DNAH11: variants seen among roughly 807,000 people sequenced by gnomAD.
The protein encoded by DNAH11 is dynein axonemal heavy chain 11, also known as axonemal beta dynein heavy chain 11.
Under a neutral mutation model 526.0 loss-of-function variants are expected in DNAH11, and 442 were observed. The observed-to-expected ratio is 0.84, with a 90% CI of 0.78 to 0.91. The LOEUF (loss-of-function observed/expected upper bound fraction) is 0.91. DNAH11 is among the 40% of genes least tolerant of loss of function. The probability of loss-of-function intolerance (pLI) is 0.00; values close to 1 mark genes in which losing one functional copy is unlikely to be tolerated. For missense variants in DNAH11, 6,989 were observed against 5,448.7 expected, an observed-to-expected ratio of 1.28 and a Z score of -8.90; for synonymous variants, 2,461 against 1,935.9, an observed-to-expected ratio of 1.27 and a Z score of -7.12.
intron 35 of DNAH11, among the ~76,000 whole-genome samples, chr7:21,691,192 A>G (rs1198475766): frequency 2.8e-5 from 4 of 144,262 alleles, no homozygotes; most frequent in Non-Finnish European, 6.1e-5. Context: ...TTTTTTTTTT[A>G]ACAGTCAAAG....
chr7:21,884,828 C>T (rs963692254), intron 76 of DNAH11, among the ~76,000 whole-genome samples: 15 of 152,142 alleles, frequency 9.9e-5, no homozygotes, highest in African/African-American at 3.6e-4. Flanking sequence ...CTTTTGATTT[C>T]TATTCCAGAG....
intron 57 of DNAH11, among the ~76,000 whole-genome samples, chr7:21,783,785 G>A (rs1300876145): frequency 1.3e-5 from 2 of 152,148 alleles, no homozygotes; most frequent in East Asian, 3.8e-4. Context: ...AGAGGAGAGT[G>A]GGTATCAGTG....
At chr7:21,889,329 C>G (rs909394724) in intron 76 of DNAH11, among the ~76,000 whole-genome samples, 14 of 152,166 alleles carry the variant, frequency 9.2e-5, no homozygotes, top group Non-Finnish European at 2.9e-5. Flanking sequence ...TCCTTCTTGG[C>G]TATTATGAAT....
At chr7:21,619,675 C>A (rs1363246776) in intron 24 of DNAH11, among the ~76,000 whole-genome samples, 1 of 152,158 alleles carries the variant, frequency 6.6e-6, no homozygotes, top group Admixed American at 6.5e-5. Flanking sequence ...ATCTACCAAA[C>A]ATTTAAGTCC....
intron 43 of DNAH11, 114 bp from the exon 44 acceptor site, chr7:21,720,611 C>T (rs1583625997): frequency 7.5e-6 from 9 of 1,207,968 alleles, no homozygotes; most frequent in Non-Finnish European, 8.9e-6. Context: ...TAGCAAATCA[C>T]AGCTGGGAAA....
intron 61 of DNAH11, among the ~76,000 whole-genome samples, chr7:21,794,554 A>G (rs1464910087): frequency 6.6e-6 from 1 of 152,150 alleles, no homozygotes; most frequent in African/African-American, 2.4e-5. Flanking sequence ...GGGCCCCAAG[A>G]AGATACTCTG....
intron 45 of DNAH11, among the ~76,000 whole-genome samples, chr7:21,734,425 C>T (rs1049008107): frequency 1.3e-5 from 2 of 152,080 alleles, no homozygotes; most frequent in Admixed American, 6.6e-5. Flanking sequence ...AGATGCAGCT[C>T]GAATATTTTT....
Position 21,588,077 on chromosome 7 carries a change from TTGGAAATTTTCTAGAGAAGCCAGTTGTCA to T in DNAH11, c.1736_1764del (p.Leu579GlnfsTer12), listed in dbSNP as rs780948319. The T allele has an allele frequency of 4.3e-6, 7 of 1,613,174 alleles. No individual in the cohort carries two copies. Among genetic ancestry groups the T allele is most frequent in the Non-Finnish European group, 5.9e-6 (7 of 1,179,614 alleles). On this transcript the variant is annotated frameshift_variant, in exon 10 of 82. Transcript: ENST00000409508. LOFTEE classifies it high-confidence loss of function. ...TGATTTTTATAGCTTTTGACCATAT[TTGGAAATTTTCTAGAGAAGCCAGTTGTCA>T]TGGAAATTTTCAGCCTACATTACAG...
At chr7:21,721,065 C>A (rs1784857970) in intron 44 of DNAH11, among the ~76,000 whole-genome samples, 1 of 152,174 alleles carries the variant, frequency 6.6e-6, no homozygotes, top group African/African-American at 2.4e-5. Context: ...TACCCTCCAG[C>A]CTGGCTGTGT....
chr7:21,873,598 T>G (rs1318973830), intron 74 of DNAH11, 97 bp downstream of exon 74: 1 of 1,194,072 alleles, frequency 8.4e-7, no homozygotes, highest in Non-Finnish European at 1.2e-6. Flanking sequence ...TTGAGAGGGA[T>G]GAAGCAAGTT....
Position 21,704,558 on chromosome 7 carries a change from A to G in DNAH11, c.6398A>G (p.His2133Arg), listed in dbSNP as rs1784192650. 1 of 1,613,856 alleles carries G rather than the reference A, an allele frequency of 6.2e-7. No homozygotes were observed. The highest frequency in any genetic ancestry group is 2.2e-5 in the East Asian group (1 of 44,880). Residue 2133 changes from histidine (H) to arginine (R), a missense_variant, in exon 38 of 82, where the codon CAC (histidine) becomes CGC (arginine). Physicochemically the swap from His to Arg is conservative, Grantham distance 29. Coordinates refer to ENST00000409508, the MANE Select transcript of DNAH11 (RefSeq NM_001277115.2). The stretch of plus-strand genomic sequence containing the variant: ...GATGTGCCCCGGAGGAGGAAGCTGC[A>G]CTTTGAACAGATGGTCAGGCAGTCT... Reference protein sequence around the residue: ...ALDVPRRRKLHFEQMVRQSTL... With the variant: ...ALDVPRRRKLRFEQMVRQSTL...
chr7:21,798,702 A>G (rs1788826552), intron 61 of DNAH11, among the ~76,000 whole-genome samples: 2 of 152,236 alleles, frequency 1.3e-5, no homozygotes, highest in South Asian at 4.1e-4. Context: ...ATTCTCCAGC[A>G]AGCATACAGC....
At chr7:21,813,857 A>G (rs1344673703) in intron 63 of DNAH11, among the ~76,000 whole-genome samples, 1 of 152,192 alleles carries the variant, frequency 6.6e-6, no homozygotes, top group African/African-American at 2.4e-5. Context: ...TTCCAAACCC[A>G]TTTTCCTTGC....
intron 65 of DNAH11, among the ~76,000 whole-genome samples, chr7:21,820,472 A>G (rs1255671958): frequency 6.6e-6 from 1 of 152,218 alleles, no homozygotes; most frequent in Non-Finnish European, 1.5e-5. Flanking sequence ...TTTGTGAGGT[A>G]GACAAGTGGG....
chr7:21,837,120 G>T (rs1009342850), intron 65 of DNAH11, among the ~76,000 whole-genome samples: 1 of 152,190 alleles, frequency 6.6e-6, no homozygotes, highest in Non-Finnish European at 1.5e-5. Flanking sequence ...GTGGAGAAAA[G>T]GGGATGCTTA....
At chr7:21,725,717 C>A in intron 44 of DNAH11, 94 bp from the exon 45 acceptor site, 2 of 1,303,542 alleles carry the variant, frequency 1.5e-6, no homozygotes, top group Non-Finnish European at 2.1e-6. Flanking sequence ...TTTTAGGTTT[C>A]TACCCCTATG....
chr7:21,600,020 T>C lies in DNAH11; in HGVS notation c.2901T>C (p.Asp967=). The C allele has an allele frequency of 6.2e-7, 1 of 1,613,246 alleles. No individual in the cohort carries two copies. Among genetic ancestry groups the C allele is most frequent in the Non-Finnish European group, 8.5e-7 (1 of 1,179,442 alleles). ...CTTCCCTAGACAGAGAGGCTGGGGA[T>C]GGCTTCTATGATCTTGTAGAAGAAA... ...FKPSLDREAG[D]GFYDLVEEML... is the part of the protein sequence containing the mutation. The change falls in exon 15 of 82, where the codon GAT becomes GAC. Residue 967 remains aspartate, a synonymous_variant. Transcript: ENST00000409508.
At chr7:21,878,549 CTTTA>C (rs961031750) in intron 74 of DNAH11, among the ~76,000 whole-genome samples, 1 of 152,052 alleles carries the variant, frequency 6.6e-6, no homozygotes, top group Non-Finnish European at 1.5e-5. Context: ...CAAGCTTGCC[CTTTA>C]TTTGTGGAAA....
chr7:21,583,121 A>G lies in DNAH11; in HGVS notation c.1710+1100A>G, dbSNP rs780558598. Among the ~76,000 whole-genome samples, 19 of 152,242 alleles carry G rather than the reference A, an allele frequency of 1.2e-4. 1 individual carries two copies. The highest frequency in any genetic ancestry group is 2.5e-4 in the Non-Finnish European group (17 of 68,034). On this transcript the variant is annotated intron_variant, in intron 9 of 81. Transcript: ENST00000409508. Reference sequence around the variant, plus strand: ...CATATGGAACTGAAAAAGAGCATGTATAGCCAATATAATCCTAAGCAAAAA... The same window carrying G: ...CATATGGAACTGAAAAAGAGCATGTGTAGCCAATATAATCCTAAGCAAAAA...
Sources: allele counts gnomAD v4.1 joint callset (sites outside exome capture counted in the v4.1 genomes callset), GRCh38; gene constraint gnomAD v4.1.1; transcripts MANE v1.5; gene names NCBI Gene and HGNC (gene_info 2026-07-23, HGNC 2026-07-21).